The following CCDC181 variants were observed in gnomAD, a reference collection of about 807,000 sequenced individuals.
CCDC181 encodes the protein coiled-coil domain containing 181.
Under a neutral mutation model 58.7 loss-of-function variants are expected in CCDC181, and 35 were observed. The ratio of observed to expected loss-of-function variants is 0.60; its 90% CI spans 0.46 to 0.79. The LOEUF is 0.79. Ranked by LOEUF, CCDC181 falls within the 30% of genes least tolerant of loss-of-function variation. The pLI is 0.00. For synonymous variants in CCDC181, 183 were observed against 197.5 expected (o/e 0.93, Z 0.62); for missense variants, 517 against 583.9 (o/e 0.89, Z 1.18).
At chr1:169,452,566 G>T (rs1657570015) in intron 2 of CCDC181, 1 of 152,066 alleles carries the variant, frequency 6.6e-6, no homozygotes, top group Non-Finnish European at 1.5e-5. Context: ...ACCTGTGCAG[G>T]CCACTTCTAT....
chr1:169,423,892 G>A (rs1167818027), intron 2 of CCDC181, among the ~76,000 whole-genome samples: 1 of 151,888 alleles, frequency 6.6e-6, no homozygotes, highest in African/African-American at 2.4e-5. Flanking sequence ...TTCAAACATT[G>A]TGTATTCCAT....
At chr1:169,458,486 A>G (rs1280298021) in intron 2 of CCDC181, among the ~76,000 whole-genome samples, 2 of 152,208 alleles carry the variant, frequency 1.3e-5, no homozygotes, top group East Asian at 3.9e-4. Flanking sequence ...GGGGAAATCT[A>G]GAAGGGTCCT....
chr1:169,441,202 A>T (rs1480747353), intron 2 of CCDC181, among the ~76,000 whole-genome samples: 1 of 152,166 alleles, frequency 6.6e-6, no homozygotes, highest in African/African-American at 2.4e-5. Flanking sequence ...ATATTTATTG[A>T]GTTCACATTA....
chr1:169,408,419 C>T (rs886609421), intron 4 of CCDC181, among the ~76,000 whole-genome samples: 7 of 152,190 alleles, frequency 4.6e-5, no homozygotes, highest in African/African-American at 1.7e-4. Flanking sequence ...GATAAAACTC[C>T]CATCACCCTG....
At position 169,411,724 on chromosome 1, in the gene CCDC181, A is replaced by G. The variant is rs201530659; in HGVS notation, c.1215+7289T>C. Among the ~76,000 whole-genome samples the G allele has an allele frequency of 2.2e-4, 33 of 152,362 alleles. No individual in the cohort carries two copies. The East Asian group carries it at 6.0e-3, about 28-fold the overall frequency. On this transcript the variant is annotated intron_variant, in intron 4 of 5. Coordinates refer to ENST00000367806, the MANE Select transcript of CCDC181 (RefSeq NM_001300969.2). ...CCCTGGGATGCAAGGCTGGTTCAAC[A>G]TATGCAAATCGATAAACATAATCCA...
chr1:169,437,209 A>C (rs1243461411), intron 2 of CCDC181, among the ~76,000 whole-genome samples: 1 of 152,192 alleles, frequency 6.6e-6, no homozygotes, highest in East Asian at 1.9e-4. Context: ...CAGATGAGCC[A>C]GTTTATTGAT....
intron 2 of CCDC181, among the ~76,000 whole-genome samples, chr1:169,436,530 T>G (rs1214458273): frequency 1.3e-5 from 2 of 152,084 alleles, no homozygotes; most frequent in Non-Finnish European, 2.9e-5. Flanking sequence ...GTTGACAGAC[T>G]GACATGCAGA....
intron 4 of CCDC181, among the ~76,000 whole-genome samples, chr1:169,415,751 T>C (rs1207290081): frequency 1.3e-5 from 2 of 152,148 alleles, no homozygotes; most frequent in African/African-American, 4.8e-5. Flanking sequence ...AGTCCCAAGG[T>C]ATATTTTTAA....
At chr1:169,442,665 T>C (rs1269424990) in intron 2 of CCDC181, 1 of 152,090 alleles carries the variant, frequency 6.6e-6, no homozygotes, top group Non-Finnish European at 1.5e-5. Context: ...ATATTTGAAA[T>C]GGGTACATTG....
At chr1:169,431,872 C>G (rs367733369), upstream of CCDC181, among the ~76,000 whole-genome samples, 20 of 152,286 alleles carry the variant, frequency 1.3e-4, no homozygotes, top group East Asian at 2.5e-3. Context: ...CACCTTCCCC[C>G]ACCATTGTAA....
chr1:169,428,736 A>G (rs891998724), upstream of CCDC181, among the ~76,000 whole-genome samples: 2 of 151,992 alleles, frequency 1.3e-5, no homozygotes, highest in African/African-American at 4.8e-5. Flanking sequence ...GCTCACTTCA[A>G]CCTCCATCTC....
At chr1:169,437,127 A>C (rs1206737327) in intron 2 of CCDC181, among the ~76,000 whole-genome samples, 1 of 152,100 alleles carries the variant, frequency 6.6e-6, no homozygotes, top group Non-Finnish European at 1.5e-5. Flanking sequence ...CTGATTGGTT[A>C]GGTCAGAGAT....
intron 2 of CCDC181, among the ~76,000 whole-genome samples, chr1:169,423,670 G>A (rs1340673762): frequency 6.6e-6 from 1 of 151,926 alleles, no homozygotes; most frequent in Non-Finnish European, 1.5e-5. Flanking sequence ...TGTTGAATTA[G>A]AAAATAAAAC....
At chr1:169,456,183 G>A (rs901733832) in intron 2 of CCDC181, among the ~76,000 whole-genome samples, 5 of 151,938 alleles carry the variant, frequency 3.3e-5, no homozygotes, top group Admixed American at 2.0e-4. Context: ...TTCAATTTTT[G>A]TAGGAAGTGG....
chr1:169,410,220 A>T (rs1198777838), intron 4 of CCDC181, among the ~76,000 whole-genome samples: 1 of 151,940 alleles, frequency 6.6e-6, no homozygotes, highest in Non-Finnish European at 1.5e-5. Flanking sequence ...CAAAAAAAAA[A>T]AAAAAAGCAG....
chr1:169,413,277 A>G (rs1656060355), intron 4 of CCDC181, among the ~76,000 whole-genome samples: 1 of 152,264 alleles, frequency 6.6e-6, no homozygotes, highest in Non-Finnish European at 1.5e-5. Flanking sequence ...AAAGGTCATC[A>G]TCACTGGTAT....
Position 169,424,348 on chromosome 1 carries a change from C to T in CCDC181, c.117+463G>A, listed in dbSNP as rs567481905. Among the ~76,000 whole-genome samples the T allele has an allele frequency of 6.6e-5, 10 of 151,784 alleles. No individual in the cohort carries two copies. In the South Asian group the frequency reaches 2.1e-3, roughly 31 times the overall value. ...TTTACTTTGTTCTCTATATTCATTG[C>T]CAAGAAGAGCTAATTCAGTCTTAAA... On this transcript the variant is annotated intron_variant, in intron 2 of 5. Transcript: ENST00000367806.
Position 169,421,611 on chromosome 1 carries a change from C to T in CCDC181, c.820G>A (p.Ala274Thr). ...VSGTKKEDST[A>T]KIHAVTHSST... ...GAGTGAGTGACAGCATGAATCTTTGCTGTAGAATCTTCTTTCTTGGTGCCA... is the reference window on the plus strand; with the variant it reads ...GAGTGAGTGACAGCATGAATCTTTGTTGTAGAATCTTCTTTCTTGGTGCCA... Residue 274 changes from alanine (A) to threonine (T), a missense_variant, in exon 3 of 6, where the codon GCA becomes ACA. Coordinates refer to ENST00000367806, the MANE Select transcript of CCDC181 (RefSeq NM_001300969.2). 6.2e-7 allele frequency: 1 copy of T among 1,614,112 alleles called. No individual in the cohort carries two copies. The highest frequency in any genetic ancestry group is 8.5e-7 in the Non-Finnish European group (1 of 1,180,014).
At chr1:169,441,960 A>G (rs1391608743) in intron 2 of CCDC181, among the ~76,000 whole-genome samples, 1 of 152,154 alleles carries the variant, frequency 6.6e-6, no homozygotes, top group East Asian at 1.9e-4. Flanking sequence ...ATTATCTGTC[A>G]TCATTTACTA....
Sources: allele counts gnomAD v4.1 joint callset (sites outside exome capture counted in the v4.1 genomes callset), GRCh38; gene constraint gnomAD v4.1.1; transcripts MANE v1.5; gene names NCBI Gene and HGNC (gene_info 2026-07-23, HGNC 2026-07-21).